Variants in RNF128 observed in about 807,000 individuals in gnomAD.
RNF128 encodes the protein ring finger protein 128.
In RNF128, 13 loss-of-function variants were observed where a neutral mutation model predicts 26.2. That is an observed-to-expected ratio of 0.50 (90% CI 0.32 to 0.79). The LOEUF is 0.79. Among genes scored for constraint, RNF128 ranks in the 30% least tolerant of loss-of-function variants. The pLI, the probability that RNF128 is intolerant of heterozygous loss-of-function variation, is 0.03. For synonymous variants in RNF128, 149 were observed against 142.5 expected (o/e 1.05, Z -0.32); for missense variants, 315 against 349.7 (o/e 0.90, Z 0.79).
At chrX:106,737,059 A>G (rs1258160669) in intron 1 of RNF128, among the ~76,000 whole-genome samples, 1 of 110,891 alleles carries the variant, frequency 9.0e-6, no homozygotes, top group Non-Finnish European at 1.9e-5. Flanking sequence ...GTTCTGTCTC[A>G]CCTTTTCCAT....
At chrX:106,775,200 G>C (rs1370739525) in intron 2 of RNF128, among the ~76,000 whole-genome samples, 4 of 111,791 alleles carry the variant, frequency 3.6e-5, no homozygotes, top group African/African-American at 1.3e-4. Context: ...TGTATATTGT[G>C]CGGTTTTTTA....
intron 1 of RNF128, among the ~76,000 whole-genome samples, chrX:106,730,980 C>A (rs1361947470): frequency 9.0e-6 from 1 of 111,417 alleles, no homozygotes; most frequent in Non-Finnish European, 1.9e-5. Flanking sequence ...AAATCTTAGG[C>A]CAGTTATTTT....
At chrX:106,754,289 G>A (rs1178451065) in intron 1 of RNF128, among the ~76,000 whole-genome samples, 5 of 108,410 alleles carry the variant, frequency 4.6e-5, no homozygotes, top group African/African-American at 3.4e-5. Flanking sequence ...GCATGATTTC[G>A]GCTCACTGCA....
At chrX:106,753,924 A>C (rs1929947314) in intron 1 of RNF128, among the ~76,000 whole-genome samples, 3 of 112,117 alleles carry the variant, frequency 2.7e-5, no homozygotes. Flanking sequence ...TATGCACCCA[A>C]AGCTGGAGCA....
intron 1 of RNF128, among the ~76,000 whole-genome samples, chrX:106,738,949 C>T (rs1005249612): frequency 5.4e-5 from 6 of 111,524 alleles, no homozygotes; most frequent in Non-Finnish European, 1.1e-4. Flanking sequence ...TTCTTAGAGC[C>T]TCTAATATGC....
chrX:106,724,294 T>C (rs1929360357), upstream of RNF128, among the ~76,000 whole-genome samples: 1 of 111,332 alleles, frequency 9.0e-6, no homozygotes, highest in African/African-American at 3.3e-5. Flanking sequence ...ATCCAAGCCA[T>C]CTTCATCTCT....
At chrX:106,767,029 T>C (rs1223280347) in intron 1 of RNF128, among the ~76,000 whole-genome samples, 1 of 111,498 alleles carries the variant, frequency 9.0e-6, no homozygotes, top group African/African-American at 3.3e-5. Flanking sequence ...TGGTTGTAGA[T>C]GTGTGGTATT....
intron 1 of RNF128, among the ~76,000 whole-genome samples, chrX:106,716,529 CTG>C (rs1302129817): frequency 9.0e-6 from 1 of 111,308 alleles, no homozygotes; most frequent in Admixed American, 9.6e-5. Context: ...GGTTAAATGA[CTG>C]TATATATTTG....
At chrX:106,778,144 T>C (rs1024405863) in intron 2 of RNF128, among the ~76,000 whole-genome samples, 1 of 111,420 alleles carries the variant, frequency 9.0e-6, no homozygotes, top group African/African-American at 3.3e-5. Context: ...AGTTAAGTTT[T>C]GGGGGTGTCA....
At chrX:106,716,401 A>G (rs746260044) in intron 1 of RNF128, among the ~76,000 whole-genome samples, 6 of 112,064 alleles carry the variant, frequency 5.4e-5, no homozygotes, top group Non-Finnish European at 1.1e-4. Context: ...ATAGGGAAAG[A>G]AAACAACTGA....
intron 1 of RNF128, among the ~76,000 whole-genome samples, chrX:106,755,601 T>C (rs1053328307): frequency 1.8e-5 from 2 of 111,833 alleles, no homozygotes; most frequent in African/African-American, 6.5e-5. Context: ...GATGCAAGGA[T>C]AGTTATACAT....
chrX:106,719,189 T>C (rs989666985), intron 1 of RNF128, among the ~76,000 whole-genome samples: 2 of 107,573 alleles, frequency 1.9e-5, no homozygotes, highest in African/African-American at 6.8e-5. Flanking sequence ...AAGAATCCCA[T>C]TGCCTGTAGA....
chrX:106,757,666 A>T (rs1930044710), intron 1 of RNF128, among the ~76,000 whole-genome samples: 1 of 100,632 alleles, frequency 9.9e-6, no homozygotes, highest in African/African-American at 3.6e-5. Context: ...GCGCACCAGC[A>T]CGGCACATGT....
At chrX:106,734,605 T>C (rs1929558362) in intron 1 of RNF128, among the ~76,000 whole-genome samples, 2 of 111,599 alleles carry the variant, frequency 1.8e-5, no homozygotes, top group African/African-American at 6.5e-5. Flanking sequence ...TTTGTATATG[T>C]AAGTTCTATC....
chrX:106,761,043 G>A (rs745632417), intron 1 of RNF128, among the ~76,000 whole-genome samples: 3 of 111,749 alleles, frequency 2.7e-5, no homozygotes, highest in Admixed American at 9.5e-5. Flanking sequence ...TCTGATATCC[G>A]AAATCTTTAA....
At chrX:106,720,981 T>C (rs1178664862) in intron 1 of RNF128, among the ~76,000 whole-genome samples, 1 of 111,913 alleles carries the variant, frequency 8.9e-6, no homozygotes, top group East Asian at 2.8e-4. Flanking sequence ...ATTCTGTCCT[T>C]TCTTTGGGTG....
At position 106,781,912 on chromosome X, in the gene RNF128, C is replaced by A. The variant is rs150034747; in HGVS notation, c.733-3153C>A. 9.2e-3 allele frequency among the ~76,000 whole-genome samples: 1,024 copies of A among 111,591 alleles called. 5 individuals carry two copies. Among genetic ancestry groups the A allele is most frequent in the South Asian group, 0.041 (108 of 2,658 alleles). ...TCTAGCATCGCCCTTAATGCAAGTT[C>A]TACTGTTCTCCTGGGCATAGACTCA... On this transcript the variant is annotated intron_variant, in intron 2 of 6. Transcript: ENST00000255499.
intron 1 of RNF128, among the ~76,000 whole-genome samples, chrX:106,736,870 AAT>A (rs1929608305): frequency 8.9e-6 from 1 of 112,125 alleles, no homozygotes; most frequent in South Asian, 3.7e-4. Context: ...ACTGTGGGAA[AAT>A]ATGTTGTCTC....
chrX:106,770,379 C>G (rs920452151), intron 1 of RNF128, among the ~76,000 whole-genome samples: 59 of 111,979 alleles, frequency 5.3e-4, no homozygotes, highest in African/African-American at 1.7e-3. Context: ...CTTTCAGGTA[C>G]ACCAATCAGA....
Sources: allele counts gnomAD v4.1 joint callset (sites outside exome capture counted in the v4.1 genomes callset), GRCh38; gene constraint gnomAD v4.1.1; transcripts MANE v1.5; gene names NCBI Gene and HGNC (gene_info 2026-07-23, HGNC 2026-07-21).